Variants in ITGA2 observed in about 807,000 individuals in gnomAD.
The protein encoded by ITGA2 is integrin alpha-2.
A neutral mutation model predicts 146.3 loss-of-function variants in ITGA2; 101 were observed. That is an observed-to-expected ratio of 0.69 (90% confidence interval 0.59 to 0.81). The LOEUF (loss-of-function observed/expected upper bound fraction) is 0.81, where lower values mean the gene tolerates loss of function less well. ITGA2 is among the 40% of genes least tolerant of loss of function. ITGA2 has a pLI of 0.00. For synonymous variants in ITGA2, 477 were observed against 487.1 expected (o/e 0.98, Z 0.27); for missense variants, 1,281 against 1,402.7 (o/e 0.91, Z 1.39).
chr5:53,057,423 A>G (rs1312589503), intron 9 of ITGA2, among the ~76,000 whole-genome samples: 1 of 152,014 alleles, frequency 6.6e-6, no homozygotes, highest in Non-Finnish European at 1.5e-5. Context: ...ATAAGTACCA[A>G]TTGCATCTTA....
intron 20 of ITGA2, 36 bp from the exon 21 acceptor site, chr5:53,074,349 C>G (rs1745550766): frequency 6.5e-7 from 1 of 1,546,072 alleles, no homozygotes; most frequent in Non-Finnish European, 8.9e-7. Context: ...ATGTTGTATG[C>G]CAATTGATCA....
rs1432034290 is a variant in ITGA2 at position 53,058,035 on chromosome 5, A to G, written c.1107A>G (p.Gln369=). 6.2e-7 allele frequency: 1 copy of G among 1,610,564 alleles called. No individual in the cohort carries two copies. The highest frequency in any genetic ancestry group is 8.5e-7 in the Non-Finnish European group (1 of 1,177,480). Reference sequence around the variant, plus strand: ...AATTGAATGTTCCAGGTACTGTTCAAGGAGGAGACAACTTTCAGATGGAAA... The same window carrying G: ...AATTGAATGTTCCAGGTACTGTTCAGGGAGGAGACAACTTTCAGATGGAAA... ...EQIFSIEGTV[Q]GGDNFQMEMS... The change falls in exon 10 of 30, where the codon CAA becomes CAG. Residue 369 remains glutamine (Q), a synonymous_variant. Coordinates refer to ENST00000296585, the MANE Select transcript of ITGA2 (RefSeq NM_002203.4).
intron 3 of ITGA2, 61 bp from the exon 4 acceptor site, chr5:53,044,940 A>T: frequency 8.1e-7 from 1 of 1,229,382 alleles, no homozygotes; most frequent in Non-Finnish European, 1.2e-6. Flanking sequence ...GTTTTCTTTT[A>T]ATATCTTTAA....
At chr5:53,046,941 T>C (rs1744121569) in intron 4 of ITGA2, among the ~76,000 whole-genome samples, 1 of 152,150 alleles carries the variant, frequency 6.6e-6, no homozygotes, top group Admixed American at 6.5e-5. Context: ...TTTTGAATAC[T>C]TCATGAGTTC....
intron 1 of ITGA2, among the ~76,000 whole-genome samples, chr5:53,024,664 T>A (rs1370525112): frequency 6.6e-6 from 1 of 152,218 alleles, no homozygotes; most frequent in African/African-American, 2.4e-5. Context: ...AGCAAAGTCC[T>A]ACATGCCGTA....
At chr5:53,035,310 A>G (rs1743436121) in intron 2 of ITGA2, among the ~76,000 whole-genome samples, 1 of 152,224 alleles carries the variant, frequency 6.6e-6, no homozygotes, top group Admixed American at 6.5e-5. Flanking sequence ...ATGTCGGATG[A>G]GAGGAAGTAA....
At chr5:53,073,450 C>T (rs749931550) in intron 20 of ITGA2, among the ~76,000 whole-genome samples, 191 bp downstream of exon 20, 10 of 151,892 alleles carry the variant, frequency 6.6e-5, no homozygotes, top group Non-Finnish European at 1.3e-4. Context: ...TGCTTGACAG[C>T]TTGGGTCAGT....
chr5:53,032,090 A>T (rs1174641283), intron 2 of ITGA2, among the ~76,000 whole-genome samples: 1 of 152,192 alleles, frequency 6.6e-6, no homozygotes, highest in South Asian at 2.1e-4. Flanking sequence ...AATGTCTTTC[A>T]TTCTAACAAG....
intron 23 of ITGA2, among the ~76,000 whole-genome samples, chr5:53,075,744 G>A (rs1159946513): frequency 6.6e-6 from 1 of 151,974 alleles, no homozygotes; most frequent in Non-Finnish European, 1.5e-5. Flanking sequence ...TTTGCACAGA[G>A]TAGGTCCACA....
chr5:53,032,509 C>A (rs1321937083), intron 2 of ITGA2, among the ~76,000 whole-genome samples: 2 of 152,028 alleles, frequency 1.3e-5, no homozygotes, highest in Non-Finnish European at 2.9e-5. Flanking sequence ...CCTAAGATTA[C>A]AGAGCTGATA....
In ITGA2 at chr5:53,075,207, G is replaced by A. The variant is rs184992368; in HGVS notation, c.2742-14G>A. On this transcript the variant is annotated splice_polypyrimidine_tract_variant and intron_variant, in intron 22 of 29. Coordinates refer to ENST00000296585, the MANE Select transcript of ITGA2 (RefSeq NM_002203.4). ...ATTTCTCTTTAAGTAATTTCCTAATGTTTCTTTCTATAGTGAAAGCCAAGA... is the reference window on the plus strand; with the variant it reads ...ATTTCTCTTTAAGTAATTTCCTAATATTTCTTTCTATAGTGAAAGCCAAGA... The A allele has an allele frequency of 1.2e-6, 2 of 1,611,448 alleles. No individual in the cohort carries two copies. The highest frequency in any genetic ancestry group is 1.3e-5 in the African/African-American group (1 of 74,892).
rs26677 is a variant in ITGA2, at chr5:53,026,628, C to G, written c.65-120C>G. 7.5e-5 allele frequency: 67 copies of G among 890,972 alleles called. No individual in the cohort carries two copies. The African/African-American group carries it at 9.4e-4, about 13-fold the overall frequency. 55.2% of individuals were successfully genotyped at this position (890,972 alleles called of 1,614,324 possible). A position where few individuals can be genotyped will look rare whatever the true frequency, so the allele number is the denominator to read the frequency against. On this transcript the variant is annotated intron_variant, in intron 1 of 29. Coordinates refer to ENST00000296585, the MANE Select transcript of ITGA2 (RefSeq NM_002203.4). ...GCAGTAGTTATTTTTTCTGGGTAAA[C>G]GTTGATAAGTAATAATTATTAGGTC...
At chr5:53,073,484 CAGCAGT>C (rs1745499545) in intron 20 of ITGA2, among the ~76,000 whole-genome samples, 1 of 151,758 alleles carries the variant, frequency 6.6e-6, no homozygotes, top group South Asian at 2.1e-4. Flanking sequence ...TGAGACTTGG[CAGCAGT>C]AGCCAGACAC....
intron 1 of ITGA2, chr5:52,990,199 G>A (rs1740869390): frequency 6.5e-6 from 1 of 153,270 alleles, no homozygotes; most frequent in Non-Finnish European, 1.5e-5. Context: ...TCCTCTTATT[G>A]TTGTAACATT....
chr5:53,069,013 G>A (rs1745267134), intron 16 of ITGA2, among the ~76,000 whole-genome samples: 1 of 151,286 alleles, frequency 6.6e-6, no homozygotes, highest in Admixed American at 6.6e-5. Context: ...ATCTTTGTTG[G>A]CATTGTTAAG....
At chr5:53,046,698 G>A (rs1379830603) in intron 4 of ITGA2, among the ~76,000 whole-genome samples, 1 of 151,634 alleles carries the variant, frequency 6.6e-6, no homozygotes, top group African/African-American at 2.4e-5. Flanking sequence ...GAAAGAGAGA[G>A]AGGAGGAGAA....
chr5:53,036,871 C>G (rs181966700), intron 2 of ITGA2, among the ~76,000 whole-genome samples: 77 of 152,302 alleles, frequency 5.1e-4, no homozygotes, highest in Admixed American at 2.2e-3. Flanking sequence ...AAGGCCTGGA[C>G]ACACCATTCA....
intron 6 of ITGA2, among the ~76,000 whole-genome samples, chr5:53,049,015 T>C (rs542229181): frequency 8.4e-6 from 1 of 119,418 alleles, no homozygotes; most frequent in Non-Finnish European, 1.8e-5. Context: ...GACATAACTT[T>C]TTTTTTTTTT....
chr5:53,031,165 T>C (rs1743203297), intron 2 of ITGA2, among the ~76,000 whole-genome samples: 1 of 152,384 alleles, frequency 6.6e-6, no homozygotes, highest in South Asian at 2.1e-4. Flanking sequence ...AAGTAGCAGA[T>C]GTGGGAAGGA....
Sources: gnomAD v4.1 joint callset for allele counts (sites outside exome capture counted in the v4.1 genomes callset) on GRCh38, gnomAD v4.1.1 for gene constraint, MANE v1.5 for transcripts, NCBI Gene and HGNC (gene_info 2026-07-23, HGNC 2026-07-21) for gene names.